C15orf39: variants seen among roughly 807,000 people sequenced by gnomAD.
C15orf39 encodes PRMT2 interacting protein, also known as uncharacterized protein C15orf39.
Under a neutral mutation model 53.9 loss-of-function variants are expected in C15orf39, and 24 were observed. The observed-to-expected ratio is 0.45, with a 90% confidence interval of 0.32 to 0.63. The LOEUF is 0.63. Among genes scored for constraint, C15orf39 ranks in the 20% least tolerant of loss-of-function variants. The probability of loss-of-function intolerance (pLI) is 0.04; values close to 1 mark genes in which losing one functional copy is unlikely to be tolerated. For synonymous variants in C15orf39, 569 were observed against 576.5 expected (o/e 0.99, Z 0.19); for missense variants, 1,271 against 1,347.9 (o/e 0.94, Z 0.89).
In C15orf39 at chr15:75,208,479, G is replaced by A; in HGVS notation, c.2431G>A (p.Val811Met). The A allele has an allele frequency of 3.1e-6, 5 of 1,598,534 alleles. No homozygotes were observed. Among genetic ancestry groups the A allele is most frequent in the Non-Finnish European group, 4.3e-6 (5 of 1,176,062 alleles). ...GQAAWQDCQG[V>M]QGLLAKLLSQ... is the part of the protein sequence containing the mutation. ...GGCTGCGTGGCAGGACTGCCAGGGT[G>A]TGCAGGGGCTGCTGGCCAAGCTGCT... The change falls in exon 2 of 3, where the codon GTG becomes ATG. Residue 811 changes from valine (V) to methionine (M), a missense_variant. Val to Met is a conservative substitution (Grantham distance 21). Transcript: ENST00000394987.
rs1174863337 is a variant in C15orf39, at chr15:75,207,441, C to T, written c.1393C>T (p.Arg465Ter). ...SEHSGPPIVIRDSPVPCTPPA... is the reference protein window; with the variant it reads ...SEHSGPPIVI ...GCACTCTGGGCCGCCCATCGTCATC[C>T]GAGACAGTCCAGTTCCCTGTACCCC... The change falls in exon 2 of 3, where the codon CGA becomes TGA. Residue 465 changes from arginine (R) to a stop codon, truncating the protein, a stop_gained. Coordinates refer to ENST00000394987, the MANE Select transcript of C15orf39 (RefSeq NM_015492.5). LOFTEE classifies it high-confidence loss of function. The T allele has an allele frequency of 3.7e-6, 6 of 1,613,624 alleles. No individual in the cohort carries two copies. The highest frequency in any genetic ancestry group is 1.7e-5 in the Admixed American group (1 of 60,028).
Position 75,207,390 on chromosome 15 carries a change from G to A in C15orf39, c.1342G>A (p.Glu448Lys). ...EKTWLPSCRK[E>K]KLQPRLSEHS... ...GACCTGGCTGCCCAGCTGCAGGAAA[G>A]AGAAGCTCCAGCCCCGGCTCAGTGA... is the stretch of plus-strand genomic sequence containing the variant. Residue 448 changes from glutamate to lysine, a missense_variant, in exon 2 of 3, where the codon GAG (glutamate) becomes AAG (lysine). By Grantham distance (56) the Glu-to-Lys change is moderately conservative. Transcript: ENST00000394987. 2.5e-6 allele frequency: 4 copies of A among 1,613,390 alleles called. No individual in the cohort carries two copies. The highest frequency in any genetic ancestry group is 3.4e-6 in the Non-Finnish European group (4 of 1,180,008).
Position 75,210,881 on chromosome 15 carries a change from C to A in C15orf39, c.2909C>A (p.Thr970Asn). The A allele has an allele frequency of 1.2e-6, 2 of 1,613,840 alleles. No homozygotes were observed. The highest frequency in any genetic ancestry group is 1.7e-6 in the Non-Finnish European group (2 of 1,179,998). ...AGGAAGCCAGGCAGGAAGCCACCAA[C>A]CCCTGGCCCGGAGAAAGCAGAGGCA... ...KVRKPGRKPPTPGPEKAEAAA... is the reference protein window; with the variant it reads ...KVRKPGRKPPNPGPEKAEAAA... The change falls in exon 3 of 3, where the codon ACC becomes AAC. Residue 970 changes from threonine (T) to asparagine (N), a missense_variant. This residue lies in a region of C15orf39 where 277 missense variants were observed against 354.1 expected (regional missense o/e 0.78). Coordinates refer to ENST00000394987, the MANE Select transcript of C15orf39 (RefSeq NM_015492.5).
At chr15:75,205,205 G>A (rs1310599997) in intron 1 of C15orf39, among the ~76,000 whole-genome samples, 2 of 152,258 alleles carry the variant, frequency 1.3e-5, no homozygotes, top group Non-Finnish European at 1.5e-5. Context: ...CAGATTCCAT[G>A]TTTTGGCTGC....
upstream of C15orf39, among the ~76,000 whole-genome samples, chr15:75,201,356 G>T (rs1237835035): frequency 6.6e-6 from 1 of 152,170 alleles, no homozygotes; most frequent in South Asian, 2.1e-4. The surrounding 1 kb of genome is among the most constrained non-coding windows in gnomAD (Gnocchi z 4.7). Context: ...CGCTTCCTCA[G>T]ACAGTTGCCG....
rs1399540192 is a variant in C15orf39 at position 75,206,137 on chromosome 15, G to C, written c.89G>C (p.Ser30Thr). 1.9e-6 allele frequency: 3 copies of C among 1,613,820 alleles called. No homozygotes were observed. The African/African-American group carries it at 4.0e-5, about 22-fold the overall frequency. The change falls in exon 2 of 3, where the codon AGC becomes ACC. Residue 30 changes from serine (S) to threonine (T), a missense_variant. By Grantham distance (58) the Ser-to-Thr change is moderately conservative. Transcript: ENST00000394987. Reference sequence around the variant, plus strand: ...GAGACAGACTCCGGGCTCGAGCACAGCCTGCCCCACTCTGTTGGTAACCAG... The same window carrying C: ...GAGACAGACTCCGGGCTCGAGCACACCCTGCCCCACTCTGTTGGTAACCAG... ...RLETDSGLEH[S>T]LPHSVGNQDP...
Position 75,208,732 on chromosome 15 carries a change from G to T in C15orf39, c.2684G>T (p.Arg895Leu). 1 of 1,607,366 alleles carries T rather than the reference G, an allele frequency of 6.2e-7. No individual in the cohort carries two copies. Reference sequence around the variant, plus strand: ...CTCGCCCTGCCAGGCTGCACCTCACGCATGCTGAAGTTACTGGCGCTGCGC... The same window carrying T: ...CTCGCCCTGCCAGGCTGCACCTCACTCATGCTGAAGTTACTGGCGCTGCGC... ...RELALPGCTS[R>L]MLKLLALRQL... The change falls in exon 2 of 3, where the codon CGC becomes CTC. Residue 895 changes from arginine to leucine, a missense_variant. Physicochemically the swap from Arg to Leu is moderately radical, Grantham distance 102. Coordinates refer to ENST00000394987, the MANE Select transcript of C15orf39 (RefSeq NM_015492.5).
At chr15:75,200,413 C>T (rs1042311186), upstream of C15orf39, among the ~76,000 whole-genome samples, 1 of 152,190 alleles carries the variant, frequency 6.6e-6, no homozygotes, top group African/African-American at 2.4e-5. Flanking sequence ...TCTGAGCACA[C>T]AACCTGAGCG....
upstream of C15orf39, among the ~76,000 whole-genome samples, chr15:75,199,605 A>G (rs1024117328): frequency 6.6e-6 from 1 of 152,202 alleles, no homozygotes; most frequent in South Asian, 2.1e-4. Context: ...ATAATGAGCC[A>G]AGGCTCAGGA....
rs1041161114 is a variant in C15orf39 at position 75,210,669 on chromosome 15, C to T, written c.2777-80C>T. 6 of 1,512,664 alleles carry T rather than the reference C, an allele frequency of 4.0e-6. No homozygotes were observed. The Admixed American group carries it at 8.1e-5, about 20-fold the overall frequency. The allele number at this position is 1,512,664 out of a possible 1,614,324, so 93.7% of individuals were successfully genotyped here. On this transcript the variant is annotated intron_variant, in intron 2 of 2. Transcript: ENST00000394987. ...CCTGACTTGGGGCAGAGCAGAAGCA[C>T]TGTTTGGATGGCTTTGGAAGCCAGG...
Position 75,206,879 on chromosome 15 carries a change from C to T in C15orf39, c.831C>T (p.Pro277=). ...THYPPPHHPP[P]HPPQALPCPP... ...ACCCACCACCCCACCACCCACCACCCCACCCTCCACAGGCCCTGCCTTGCC... is the reference window on the plus strand; with the variant it reads ...ACCCACCACCCCACCACCCACCACCTCACCCTCCACAGGCCCTGCCTTGCC... The change falls in exon 2 of 3, where the codon CCC becomes CCT. Residue 277 remains proline (P), a synonymous_variant. Coordinates refer to ENST00000394987, the MANE Select transcript of C15orf39 (RefSeq NM_015492.5). 2 of 1,485,272 alleles carry T rather than the reference C, an allele frequency of 1.3e-6. No homozygotes were observed. Among genetic ancestry groups the T allele is most frequent in the Non-Finnish European group, 1.8e-6 (2 of 1,118,414 alleles). The allele number at this position is 1,485,272 out of a possible 1,614,324, so 92.0% of individuals were successfully genotyped here.
At chr15:75,199,780 T>C (rs1174057789), upstream of C15orf39, among the ~76,000 whole-genome samples, 1 of 152,200 alleles carries the variant, frequency 6.6e-6, no homozygotes. Context: ...ACTTTCTTTT[T>C]CTGTGTTAAC....
Position 75,210,954 on chromosome 15 carries a change from T to G in C15orf39, c.2982T>G (p.Ser994Arg), listed in dbSNP as rs762178689. The G allele has an allele frequency of 5.0e-5, 80 of 1,613,286 alleles. No individual in the cohort carries two copies. Among genetic ancestry groups the G allele is most frequent in the Non-Finnish European group, 1.3e-5 (15 of 1,180,002 alleles). Residue 994 changes from serine to arginine, a missense_variant, in exon 3 of 3, where the codon AGT becomes AGG. This residue lies in a region of C15orf39 where 277 missense variants were observed against 354.1 expected (regional missense o/e 0.78). Coordinates refer to ENST00000394987, the MANE Select transcript of C15orf39 (RefSeq NM_015492.5). ...GTGCCTCCCCTACCCCTGCTACCAGTGCCAGCCCACCTGGCCCCACACTGA... is the reference window on the plus strand; with the variant it reads ...GTGCCTCCCCTACCCCTGCTACCAGGGCCAGCCCACCTGGCCCCACACTGA... ...SCGASPTPATSASPPGPTLKA... is the reference protein window; with the variant it reads ...SCGASPTPATRASPPGPTLKA...
In C15orf39 at chr15:75,206,101, TG is replaced by T; in HGVS notation, c.54del (p.Arg20AlafsTer2). On this transcript the variant is annotated frameshift_variant, in exon 2 of 3. Coordinates refer to ENST00000394987, the MANE Select transcript of C15orf39 (RefSeq NM_015492.5). LOFTEE classifies it high-confidence loss of function. Reference protein sequence around the residue: ...RTLGPVMYGKLPRLETDSGLE... With the variant: ...RTLGPVMYGKXPRLETDSGLE... ...CTGGGGCCTGTGATGTATGGCAAGC[TG>T]CCCCGCTTAGAGACAGACTCCGGGC... 6.2e-7 allele frequency: 1 copy of T among 1,613,002 alleles called. No individual in the cohort carries two copies. Among genetic ancestry groups the T allele is most frequent in the Non-Finnish European group, 8.5e-7 (1 of 1,179,636 alleles).
intron 1 of C15orf39, among the ~76,000 whole-genome samples, chr15:75,203,820 C>T (rs1362682853): frequency 6.6e-6 from 1 of 152,130 alleles, no homozygotes; most frequent in East Asian, 1.9e-4. Context: ...CACTTCAAAA[C>T]CCTACAGTTC....
chr15:75,205,248 C>A (rs1028792263), intron 1 of C15orf39, among the ~76,000 whole-genome samples: 6 of 152,166 alleles, frequency 3.9e-5, no homozygotes, highest in African/African-American at 1.4e-4. Context: ...TGGAATAGGA[C>A]CCTGTGGTGG....
In C15orf39 at chr15:75,207,087, T is replaced by G. The variant is rs1350600867; in HGVS notation, c.1039T>G (p.Ser347Ala). Residue 347 changes from serine to alanine, a missense_variant, in exon 2 of 3, where the codon TCT (serine) becomes GCT (alanine). Ser to Ala is a moderately conservative substitution (Grantham distance 99). This residue lies in a region of C15orf39 where 994 missense variants were observed against 993.7 expected (regional missense o/e 1.00). Transcript: ENST00000394987. ...GGGGCTGGACGCTTACCCCTACCCC[T>G]CTGCCCCTCTCCCAGCACCCTCTCC... is the stretch of plus-strand genomic sequence containing the variant. The part of the protein sequence containing the change: ...PLGLDAYPYP[S>A]APLPAPSPGL... 1 of 1,612,574 alleles carries G rather than the reference T, an allele frequency of 6.2e-7. No individual in the cohort carries two copies. Among genetic ancestry groups the G allele is most frequent in the Non-Finnish European group, 8.5e-7 (1 of 1,179,608 alleles).
intron 2 of C15orf39, 136 bp downstream of exon 2, chr15:75,208,960 T>G: frequency 7.2e-7 from 1 of 1,395,538 alleles, no homozygotes; most frequent in South Asian, 1.5e-5. Flanking sequence ...TAGGATGAGC[T>G]CTAGGTACCC....
At chr15:75,210,662 A>T (rs2070476512) in intron 2 of C15orf39, 87 bp from the exon 3 acceptor site, 5 of 1,504,310 alleles carry the variant, frequency 3.3e-6, no homozygotes, top group East Asian at 2.3e-5. Flanking sequence ...GGGGCAGAGC[A>T]GAAGCACTGT....
Sources: allele counts gnomAD v4.1 joint callset (sites outside exome capture counted in the v4.1 genomes callset), GRCh38; gene constraint gnomAD v4.1.1; regional missense constraint gnomAD v4.1.1; non-coding constraint Gnocchi (gnomAD v3.1); transcripts MANE v1.5; gene names NCBI Gene and HGNC (gene_info 2026-07-23, HGNC 2026-07-21).